Variants in NME7 observed in about 807,000 individuals in gnomAD.
NME7 encodes the protein NME/NM23 family member 7.
NME7 carries 41 observed loss-of-function variants against 49.1 expected under a neutral mutation model. The observed-to-expected ratio is 0.83, with a 90% CI of 0.65 to 1.08. The LOEUF (loss-of-function observed/expected upper bound fraction) is 1.08, where lower values mean the gene tolerates loss of function less well. Among genes scored for constraint, NME7 ranks in the 50% least tolerant of loss-of-function variants. NME7 has a pLI of 0.00. For missense variants in NME7, 423 were observed against 463.4 expected (o/e 0.91, Z 0.80); for synonymous variants, 139 against 150.6 (o/e 0.92, Z 0.56).
In NME7 at chr1:169,287,332, C is replaced by T. The variant is rs137920841; in HGVS notation, c.725G>A (p.Cys242Tyr). 3 of 1,608,440 alleles carry T rather than the reference C, an allele frequency of 1.9e-6. No individual in the cohort carries two copies. The highest frequency in any genetic ancestry group is 4.5e-5 in the East Asian group (2 of 44,492). ...NTAKFTNCTC[C>Y]IVKPHAVSEG... ...ACTGACAGCATGGGGTTTAACAATG[C>T]AACAGGTACAATTAGTAAATTTAGC... is the stretch of plus-strand genomic sequence containing the variant. Residue 242 changes from cysteine to tyrosine, a missense_variant, in exon 7 of 12, where the codon TGC (cysteine) becomes TAC (tyrosine). Physicochemically the swap from Cys to Tyr is radical, Grantham distance 194 (BLOSUM62 -2). Transcript: ENST00000367811.
At chr1:169,326,065 T>C (rs1185462518) in intron 1 of NME7, among the ~76,000 whole-genome samples, 5 of 152,008 alleles carry the variant, frequency 3.3e-5, no homozygotes, top group Admixed American at 1.3e-4. Context: ...AAATACATAA[T>C]TGAAATGTTG....
chr1:169,167,461 AT>A (rs1659450232), intron 11 of NME7, among the ~76,000 whole-genome samples: 1 of 152,074 alleles, frequency 6.6e-6, no homozygotes, highest in Admixed American at 6.5e-5. Context: ...TAAATTTATT[AT>A]TTCTTTTTAA....
intron 7 of NME7, among the ~76,000 whole-genome samples, chr1:169,259,888 C>T (rs1571335780): frequency 7.5e-6 from 1 of 133,476 alleles, no homozygotes; most frequent in African/African-American, 2.5e-5. Context: ...TTTAAGCACA[C>T]TAGAGTCACT....
chr1:169,299,449 T>C (rs1054526201), intron 5 of NME7, among the ~76,000 whole-genome samples: 3 of 152,180 alleles, frequency 2.0e-5, no homozygotes, highest in African/African-American at 7.2e-5. Flanking sequence ...TTTTCTACTT[T>C]TATATGTGTA....
chr1:169,237,749 A>T (rs1432371011), intron 7 of NME7, 62 bp from the exon 8 acceptor site: 1 of 1,350,746 alleles, frequency 7.4e-7, no homozygotes, highest in Admixed American at 1.9e-5. Flanking sequence ...GTTTCTTAGA[A>T]ATGCAAATTT....
At chr1:169,328,403 G>A (rs1652142428) in intron 1 of NME7, among the ~76,000 whole-genome samples, 1 of 152,082 alleles carries the variant, frequency 6.6e-6, no homozygotes. Context: ...GTGGCTTATA[G>A]GTCCACCTGT....
chr1:169,274,994 T>C (rs1299109535), intron 7 of NME7, among the ~76,000 whole-genome samples: 1 of 132,820 alleles, frequency 7.5e-6, no homozygotes, highest in Non-Finnish European at 1.8e-5. Context: ...TTTTTTCCAA[T>C]TCTGTGAAGA....
intron 10 of NME7, among the ~76,000 whole-genome samples, chr1:169,218,325 A>G (rs546543512): frequency 1.3e-5 from 2 of 152,194 alleles, no homozygotes; most frequent in East Asian, 3.9e-4. Context: ...AGGTGCAGTG[A>G]CTCATGCTTG....
intron 11 of NME7, among the ~76,000 whole-genome samples, chr1:169,150,410 G>C (rs1658879463): frequency 6.6e-6 from 1 of 152,044 alleles, no homozygotes; most frequent in Non-Finnish European, 1.5e-5. Flanking sequence ...TGGATTTCAA[G>C]GGCCCTTGCT....
At chr1:169,176,662 T>C (rs1659760616) in intron 10 of NME7, among the ~76,000 whole-genome samples, 1 of 152,112 alleles carries the variant, frequency 6.6e-6, no homozygotes, top group Non-Finnish European at 1.5e-5. Flanking sequence ...CAATAGGAAC[T>C]GGCTGAAGTG....
At position 169,317,131 on chromosome 1, in the gene NME7, C is replaced by A. The variant is rs1651671750; in HGVS notation, c.278+5986G>T. Among the ~76,000 whole-genome samples the A allele has an allele frequency of 2.6e-5, 4 of 151,806 alleles. No individual in the cohort carries two copies. In the Middle Eastern group the frequency reaches 0.01, roughly 387 times the overall value. On this transcript the variant is annotated intron_variant, in intron 3 of 11. Coordinates refer to ENST00000367811, the MANE Select transcript of NME7 (RefSeq NM_013330.5). ...CATTCCAGATTAAATTGAAAAAAAA[C>A]CTATATGTTATTTACAAGAGACATA...
chr1:169,132,918 C>T, intron 11 of NME7, 101 bp from the exon 12 acceptor site: 1 of 771,302 alleles, frequency 1.3e-6, no homozygotes, highest in Admixed American at 2.2e-5. Flanking sequence ...CACTGGCATA[C>T]CCCTTCCCAA....
At chr1:169,208,155 C>T (rs1266494402) in intron 10 of NME7, among the ~76,000 whole-genome samples, 1 of 152,050 alleles carries the variant, frequency 6.6e-6, no homozygotes, top group Admixed American at 6.6e-5. Flanking sequence ...CTTATTTGAT[C>T]GTAAATTTTT....
At chr1:169,299,001 A>G (rs1327944569) in intron 5 of NME7, among the ~76,000 whole-genome samples, 1 of 152,134 alleles carries the variant, frequency 6.6e-6, no homozygotes, top group Admixed American at 6.6e-5. Flanking sequence ...TACCAGAAAA[A>G]TCACTGTTCT....
chr1:169,169,737 T>C (rs1213068150), intron 10 of NME7, among the ~76,000 whole-genome samples, 183 bp from the exon 11 acceptor site: 2 of 152,184 alleles, frequency 1.3e-5, no homozygotes, highest in African/African-American at 4.8e-5. Context: ...AAAATAATAA[T>C]TGCATTTCTT....
In NME7 at chr1:169,250,840, C is replaced by A. The variant is rs562197331; in HGVS notation, c.755-13153G>T. ...TATTCCACTGTGGTCTGAGAAGATA[C>A]CTGATAACATTTCGATTTTTAAAAA... On this transcript the variant is annotated intron_variant, in intron 7 of 11. Coordinates refer to ENST00000367811, the MANE Select transcript of NME7 (RefSeq NM_013330.5). Among the ~76,000 whole-genome samples the A allele has an allele frequency of 8.8e-4, 134 of 152,072 alleles. 1 individual carries two copies. Among genetic ancestry groups the A allele is most frequent in the Non-Finnish European group, 1.8e-3 (119 of 67,916 alleles).
At chr1:169,141,769 G>C (rs1450527809) in intron 11 of NME7, among the ~76,000 whole-genome samples, 2 of 151,762 alleles carry the variant, frequency 1.3e-5, no homozygotes, top group African/African-American at 4.8e-5. Context: ...TTTTTATAAG[G>C]ACAGATGAGA....
At chr1:169,212,222 GTTGCTATTTACT>G (rs1363931140) in intron 10 of NME7, among the ~76,000 whole-genome samples, 3 of 151,850 alleles carry the variant, frequency 2.0e-5, no homozygotes, top group Non-Finnish European at 2.9e-5. Context: ...TTAAAAATTA[GTTGCTATTTACT>G]TTGCTATTTA....
intron 7 of NME7, among the ~76,000 whole-genome samples, chr1:169,274,328 G>A (rs544132227): frequency 0.012 from 1,628 of 132,758 alleles, 272 homozygotes; most frequent in African/African-American, 0.026. Context: ...TTTTTTTCTT[G>A]TAAATTTGTT....
Sources: gnomAD v4.1 joint callset for allele counts (sites outside exome capture counted in the v4.1 genomes callset) on GRCh38, gnomAD v4.1.1 for gene constraint, MANE v1.5 for transcripts, NCBI Gene and HGNC (gene_info 2026-07-23, HGNC 2026-07-21) for gene names.